Variants in KCNN2 observed in about 807,000 individuals in gnomAD.
KCNN2 encodes potassium calcium-activated channel subfamily N member 2, also known as small conductance calcium-activated potassium channel protein 2.
KCNN2 carries 24 observed loss-of-function variants against 55.5 expected under a neutral mutation model. That is an observed-to-expected ratio of 0.43 (90% CI 0.31 to 0.61). KCNN2 has a LOEUF of 0.61. Ranked by LOEUF, KCNN2 falls within the 20% of genes least tolerant of loss-of-function variation. The pLI is 0.08. For synonymous variants in KCNN2, 431 were observed against 336.1 expected, an observed-to-expected ratio of 1.28 and a Z score of -3.09; for missense variants, 754 against 853.6, an observed-to-expected ratio of 0.88 and a Z score of 1.45.
At chr5:114,321,950 G>A (rs9326924) in intron 2 of KCNN2, among the ~76,000 whole-genome samples, 26,746 of 152,076 alleles carry the variant, frequency 0.18, 3,844 homozygotes, top group East Asian at 0.8. Flanking sequence ...ACACCTGGCC[G>A]TCACTGGATA....
intron 2 of KCNN2, among the ~76,000 whole-genome samples, chr5:114,355,395 G>GA (rs1170681148): frequency 2.6e-5 from 4 of 152,270 alleles, no homozygotes; most frequent in Admixed American, 2.6e-4. Context: ...ATTTCAAAGG[G>GA]AAAATAAACC....
At chr5:114,434,134 A>T (rs966296117) in intron 3 of KCNN2, among the ~76,000 whole-genome samples, 1 of 151,862 alleles carries the variant, frequency 6.6e-6, no homozygotes, top group Admixed American at 6.6e-5. Flanking sequence ...TGAGCATAAT[A>T]TATGATTTCA....
At chr5:114,209,023 G>T (rs377294655) in intron 1 of KCNN2, among the ~76,000 whole-genome samples, 2 of 150,198 alleles carry the variant, frequency 1.3e-5, no homozygotes, top group East Asian at 3.9e-4. Context: ...ATCTTTCTTA[G>T]CCTTTTGCTT....
intron 3 of KCNN2, among the ~76,000 whole-genome samples, chr5:114,414,637 A>G (rs1485098047): frequency 3.9e-5 from 6 of 152,198 alleles, no homozygotes; most frequent in Non-Finnish European, 5.9e-5. Context: ...AAAAAGGCCC[A>G]GGCATCAGAT....
intron 2 of KCNN2, among the ~76,000 whole-genome samples, chr5:114,297,242 C>G (rs979241846): frequency 2.0e-5 from 3 of 151,980 alleles, no homozygotes; most frequent in African/African-American, 7.3e-5. Flanking sequence ...CACTTAAGTC[C>G]AGGAGTTGGA....
chr5:114,248,153 C>T (rs1228991352), intron 2 of KCNN2, among the ~76,000 whole-genome samples: 1 of 152,070 alleles, frequency 6.6e-6, no homozygotes, highest in Admixed American at 6.6e-5. Context: ...CTCCTTGTTT[C>T]CCCCAGATTT....
intron 6 of KCNN2, among the ~76,000 whole-genome samples, chr5:114,492,864 T>C (rs777920552): frequency 1.5e-4 from 22 of 151,564 alleles, no homozygotes; most frequent in Non-Finnish European, 2.8e-4. Context: ...TTTTGTGTTA[T>C]ATTGCTGCTG....
Position 114,134,622 on chromosome 5 carries a change from C to T in KCNN2, c.-271+78122C>T, listed in dbSNP as rs566843515. On this transcript the variant is annotated intron_variant, in intron 1 of 10. Transcript: ENST00000512097. Reference sequence around the variant, plus strand: ...TCCCGAATAGCTGGGATTACAGGCGCCTGCCACGGCTCCCGGCAAATTTTT... The same window carrying T: ...TCCCGAATAGCTGGGATTACAGGCGTCTGCCACGGCTCCCGGCAAATTTTT... Among the ~76,000 whole-genome samples the T allele has an allele frequency of 4.4e-4, 67 of 152,020 alleles. 1 individual carries two copies. Among genetic ancestry groups the T allele is most frequent in the African/African-American group, 1.5e-3 (62 of 41,456 alleles).
At chr5:114,464,680 C>T (rs909444753) in intron 4 of KCNN2, among the ~76,000 whole-genome samples, 1 of 152,016 alleles carries the variant, frequency 6.6e-6, no homozygotes, top group Non-Finnish European at 1.5e-5. Context: ...AATCCAGGGT[C>T]AATTTTAATG....
intron 2 of KCNN2, among the ~76,000 whole-genome samples, chr5:114,232,068 A>G (rs1200000433): frequency 1.3e-5 from 2 of 151,086 alleles, no homozygotes; most frequent in Non-Finnish European, 2.9e-5. Flanking sequence ...AAGATAACTA[A>G]TATTGCAAAA....
intron 3 of KCNN2, among the ~76,000 whole-genome samples, chr5:114,411,838 T>C (rs1251375040): frequency 6.6e-6 from 1 of 152,174 alleles, no homozygotes; most frequent in Non-Finnish European, 1.5e-5. Context: ...TCAGAAATAA[T>C]GCTTTACCAG....
At chr5:114,150,506 G>A (rs1752499675) in intron 1 of KCNN2, among the ~76,000 whole-genome samples, 1 of 152,196 alleles carries the variant, frequency 6.6e-6, no homozygotes, top group South Asian at 2.1e-4. Context: ...TCGACAGCAT[G>A]AAAGACCAAA....
chr5:114,249,288 TTC>T lies in KCNN2; in HGVS notation c.-185+27725_-185+27726del, dbSNP rs1491200152. 1.7e-3 allele frequency among the ~76,000 whole-genome samples: 258 copies of T among 149,728 alleles called. 1 individual carries two copies. Among genetic ancestry groups the T allele is most frequent in the African/African-American group, 3.0e-3 (123 of 40,592 alleles). Reference sequence around the variant, plus strand: ...TATTTCTTTTTCTTTCTTTCTTTCTTTCTTTTTTTTAATGAGAGGGAATCTGG... The same window carrying T: ...TATTTCTTTTTCTTTCTTTCTTTCTTTTTTTTTTAATGAGAGGGAATCTGG... On this transcript the variant is annotated intron_variant, in intron 2 of 10. Transcript: ENST00000512097.
intron 3 of KCNN2, among the ~76,000 whole-genome samples, chr5:114,415,988 C>T (rs1759292896): frequency 6.6e-6 from 1 of 152,212 alleles, no homozygotes; most frequent in South Asian, 2.1e-4. Context: ...CTCCCTTGTT[C>T]AGTTCTGTGC....
intron 2 of KCNN2, among the ~76,000 whole-genome samples, chr5:114,288,499 T>TATACAC (rs1305284375): frequency 4.0e-4 from 56 of 139,616 alleles, no homozygotes; most frequent in Non-Finnish European, 4.9e-4. Flanking sequence ...TATATATATA[T>TATACAC]ACACACACAC....
chr5:114,273,921 C>T (rs2150009567), intron 2 of KCNN2, among the ~76,000 whole-genome samples: 2 of 152,280 alleles, frequency 1.3e-5, no homozygotes, highest in Middle Eastern at 3.4e-3. Flanking sequence ...GAAGTCTTTG[C>T]CCATGCCTAT....
At chr5:114,136,748 C>A (rs1580545003) in intron 1 of KCNN2, among the ~76,000 whole-genome samples, 1 of 152,144 alleles carries the variant, frequency 6.6e-6, no homozygotes, top group East Asian at 1.9e-4. Context: ...CCTCTCTGAG[C>A]CTCCCTTTCT....
At chr5:114,298,584 G>C (rs1487732123) in intron 2 of KCNN2, among the ~76,000 whole-genome samples, 2 of 152,080 alleles carry the variant, frequency 1.3e-5, no homozygotes, top group African/African-American at 2.4e-5. Context: ...TCCAAAATTA[G>C]GATATAAAAT....
intron 2 of KCNN2, among the ~76,000 whole-genome samples, chr5:114,257,362 A>C (rs1031871106): frequency 6.6e-6 from 1 of 151,692 alleles, no homozygotes; most frequent in Non-Finnish European, 1.5e-5. Context: ...TTTCATATGA[A>C]TTTTAGGATT....
Sources: allele counts gnomAD v4.1 joint callset (sites outside exome capture counted in the v4.1 genomes callset), GRCh38; gene constraint gnomAD v4.1.1; transcripts MANE v1.5; gene names NCBI Gene and HGNC (gene_info 2026-07-23, HGNC 2026-07-21).